Variants in PET117 observed in about 807,000 individuals in gnomAD.
The protein encoded by PET117 is PET117 cytochrome c oxidase chaperone, also known as protein PET117 homolog, mitochondrial.
Under a neutral mutation model 9.2 loss-of-function variants are expected in PET117, and 10 were observed. The ratio of observed to expected loss-of-function variants is 1.09; its 90% CI spans 0.67 to 1.85. PET117 has a LOEUF of 1.85. PET117 is among the 40% of genes most tolerant of loss of function. PET117 has a pLI of 0.00. For missense variants in PET117, 96 were observed against 98.2 expected, an observed-to-expected ratio of 0.98 and a Z score of 0.09; for synonymous variants, 43 against 37.1, an observed-to-expected ratio of 1.16 and a Z score of -0.57.
chr20:18,138,746 A>G (rs1201926807), intron 1 of PET117, among the ~76,000 whole-genome samples: 1 of 152,132 alleles, frequency 6.6e-6, no homozygotes, highest in African/African-American at 2.4e-5. Flanking sequence ...CCTGCTGATC[A>G]GCAGTGACTA....
rs1189135809 is a variant in PET117, at chr20:18,142,689, T to C, written c.*332T>C. The C allele has an allele frequency of 2.5e-6, 4 of 1,614,184 alleles. No homozygotes were observed. Among genetic ancestry groups the C allele is most frequent in the Non-Finnish European group, 3.4e-6 (4 of 1,180,050 alleles). ...GATAGTAGCATCCACCTGAGTAGTC[T>C]GATCAGTCGGCATGATGACGAAGCC... On this transcript the variant is annotated 3_prime_UTR_variant, in exon 2 of 2. Transcript: ENST00000432901.
At position 18,142,919 on chromosome 20, in the gene PET117, A is replaced by G. The variant is rs766534925; in HGVS notation, c.*562A>G. ...CAAGTGCCAAAAATGGATACCAGCC[A>G]GTAAGGAGCTTCTCAATTCCTTTGA... On this transcript the variant is annotated 3_prime_UTR_variant, in exon 2 of 2. Transcript: ENST00000432901. The G allele has an allele frequency of 1.2e-6, 2 of 1,612,764 alleles. No homozygotes were observed. The highest frequency in any genetic ancestry group is 8.5e-7 in the Non-Finnish European group (1 of 1,178,734).
chr20:18,142,517 C>T lies in PET117; in HGVS notation c.*160C>T, dbSNP rs2037625407. 1.4e-6 allele frequency: 2 copies of T among 1,467,138 alleles called. No homozygotes were observed. The highest frequency in any genetic ancestry group is 9.0e-7 in the Non-Finnish European group (1 of 1,111,288). The allele number at this position is 1,467,138 out of a possible 1,614,324, so 90.9% of individuals were successfully genotyped here. Reference sequence around the variant, plus strand: ...TCATATAAGTTACTGCTTTCAGGGTCCCTTATATCTGAATAAAGGAGTGTG... The same window carrying T: ...TCATATAAGTTACTGCTTTCAGGGTTCCTTATATCTGAATAAAGGAGTGTG... On this transcript the variant is annotated 3_prime_UTR_variant, in exon 2 of 2. Coordinates refer to ENST00000432901, the MANE Select transcript of PET117 (RefSeq NM_001164811.2).
In PET117 at chr20:18,141,045, TTATTTTTA is replaced by T. The variant is rs1383576597; in HGVS notation, c.97-1161_97-1154del. Among the ~76,000 whole-genome samples, 69 of 39,600 alleles carry T rather than the reference TTATTTTTA, an allele frequency of 1.7e-3. 1 individual carries two copies. Among genetic ancestry groups the T allele is most frequent in the African/African-American group, 4.8e-3 (64 of 13,412 alleles). The allele number at this position is 39,600 out of a possible 152,430, so 26.0% of individuals were successfully genotyped here. On this transcript the variant is annotated intron_variant, in intron 1 of 1. Coordinates refer to ENST00000432901, the MANE Select transcript of PET117 (RefSeq NM_001164811.2). ...GCAATTTTTTTTTTTTTTTTTTTTT[TTATTTTTA>T]TTTTTGCTAGAGATGGGATTTTGCC...
In PET117 at chr20:18,142,795, G is replaced by A; in HGVS notation, c.*438G>A. 3 of 1,614,188 alleles carry A rather than the reference G, an allele frequency of 1.9e-6. No homozygotes were observed. Among genetic ancestry groups the A allele is most frequent in the Non-Finnish European group, 2.5e-6 (3 of 1,180,042 alleles). ...TCCTGATCGTCGAATCCGAGGATCAGGCATCAGTGGACTTATCGCACGACC... is the reference window on the plus strand; with the variant it reads ...TCCTGATCGTCGAATCCGAGGATCAAGCATCAGTGGACTTATCGCACGACC... On this transcript the variant is annotated 3_prime_UTR_variant, in exon 2 of 2. Transcript: ENST00000432901.
At chr20:18,138,281 C>T (rs1381995639) in intron 1 of PET117, 2 of 1,217,230 alleles carry the variant, frequency 1.6e-6, no homozygotes, top group Non-Finnish European at 2.0e-6. Flanking sequence ...GACGACCCGG[C>T]TGCCCGGCTT....
At chr20:18,138,741 T>C (rs2037402242) in intron 1 of PET117, among the ~76,000 whole-genome samples, 1 of 152,248 alleles carries the variant, frequency 6.6e-6, no homozygotes, top group South Asian at 2.1e-4. Flanking sequence ...CGTGACCTGC[T>C]GATCAGCAGT....
intron 1 of PET117, 197 bp downstream of exon 1, chr20:18,138,248 GCGTGTGCAGCCCGCAGATTCAGGA>G: frequency 8.1e-7 from 1 of 1,240,780 alleles, no homozygotes; most frequent in Non-Finnish European, 1.0e-6. Flanking sequence ...CTCCCGGCGG[GCGTGTGCAGCCCGCAGATTCAGGA>G]CGACCCGGCT....
Position 18,137,887 on chromosome 20 carries a change from T to C in PET117, c.-69T>C. On this transcript the variant is annotated 5_prime_UTR_variant, in exon 1 of 2. Coordinates refer to ENST00000432901, the MANE Select transcript of PET117 (RefSeq NM_001164811.2). ...CGAGCCTGGGCAGTACAGGCGGCGGTGCGCACTCTGCGGCGGCCTCTGCGC... is the reference window on the plus strand; with the variant it reads ...CGAGCCTGGGCAGTACAGGCGGCGGCGCGCACTCTGCGGCGGCCTCTGCGC... 1 of 1,407,784 alleles carries C rather than the reference T, an allele frequency of 7.1e-7. No individual in the cohort carries two copies. The allele number at this position is 1,407,784 out of a possible 1,614,324, so 87.2% of individuals were successfully genotyped here. A position where few individuals can be genotyped will look rare whatever the true frequency, so the allele number is the denominator to read the frequency against.
chr20:18,138,378 C>T, intron 1 of PET117: 2 of 1,057,182 alleles, frequency 1.9e-6, no homozygotes, highest in East Asian at 6.6e-5. Flanking sequence ...GCTCTGTTTT[C>T]AAGTCACAGC....
At chr20:18,141,862 G>A (rs1291947454) in intron 1 of PET117, among the ~76,000 whole-genome samples, 1 of 152,148 alleles carries the variant, frequency 6.6e-6, no homozygotes, top group African/African-American at 2.4e-5. Context: ...CTCCAGCCTG[G>A]GCGACAGAGC....
At chr20:18,141,035 T>TTTTA (rs1487537960) in intron 1 of PET117, among the ~76,000 whole-genome samples, 6 of 19,758 alleles carry the variant, frequency 3.0e-4, no homozygotes, top group Admixed American at 6.8e-4. Flanking sequence ...TTTTTTTTTT[T>TTTTA]TTTTTTTTTT....
At position 18,142,321 on chromosome 20, in the gene PET117, G is replaced by A. The variant is rs1166822852; in HGVS notation, c.210G>A (p.Glu70=). Residue 70 remains glutamate, a synonymous_variant, in exon 2 of 2, where the codon GAG becomes GAA. Transcript: ENST00000432901. ...ILTEQLEAER[E]KMLLAKGSQK... is the part of the protein sequence containing the mutation. ...CTGAGCAACTTGAAGCAGAAAGAGA[G>A]AAGATGTTATTGGCAAAAGGATCTC... is the stretch of plus-strand genomic sequence containing the variant. 6.5e-7 allele frequency: 1 copy of A among 1,537,018 alleles called. No homozygotes were observed. Among genetic ancestry groups the A allele is most frequent in the African/African-American group, 1.4e-5 (1 of 73,162 alleles).
chr20:18,142,361 G>T lies in PET117; in HGVS notation c.*4G>T. On this transcript the variant is annotated 3_prime_UTR_variant, in exon 2 of 2. Transcript: ENST00000432901. Reference sequence around the variant, plus strand: ...AAAAGGATCTCAAAAATCATGACTTGAATGTGAAATATCTGTTGGACAGAC... The same window carrying T: ...AAAAGGATCTCAAAAATCATGACTTTAATGTGAAATATCTGTTGGACAGAC... 1 of 1,535,720 alleles carries T rather than the reference G, an allele frequency of 6.5e-7. No individual in the cohort carries two copies. The highest frequency in any genetic ancestry group is 1.2e-5 in the South Asian group (1 of 83,940).
intron 1 of PET117, chr20:18,138,603 G>A: frequency 2.8e-5 from 9 of 316,690 alleles, no homozygotes; most frequent in Non-Finnish European, 4.1e-5. Flanking sequence ...CTTTGACCAA[G>A]ATAATTTGGT....
intron 1 of PET117, among the ~76,000 whole-genome samples, chr20:18,139,274 C>T (rs966846806): frequency 6.6e-6 from 1 of 152,150 alleles, no homozygotes; most frequent in Non-Finnish European, 1.5e-5. Flanking sequence ...AGAAGACTTC[C>T]GCCTCTTACA....
chr20:18,139,676 T>TGTGTGTGTGTG (rs1568660990), intron 1 of PET117, among the ~76,000 whole-genome samples: 1 of 77,652 alleles, frequency 1.3e-5, no homozygotes, highest in African/African-American at 3.4e-5. Context: ...GTGTGTGTGT[T>TGTGTGTGTGTG]TATTTTTTTT....
In PET117 at chr20:18,142,231, A is replaced by G. The variant is rs1344578627; in HGVS notation, c.120A>G (p.Arg40=). Residue 40 remains arginine, a synonymous_variant, in exon 2 of 2, where the codon AGA becomes AGG. Coordinates refer to ENST00000432901, the MANE Select transcript of PET117 (RefSeq NM_001164811.2). ...AGAGGCTTCGTGACGGAGTTATCAG[A>G]GACATTGAGAGGCAAATTCGGAAAA... The part of the protein sequence containing the change: ...DQQRLRDGVI[R]DIERQIRKKE... 1 of 1,537,216 alleles carries G rather than the reference A, an allele frequency of 6.5e-7. No individual in the cohort carries two copies. Among genetic ancestry groups the G allele is most frequent in the Admixed American group, 2.0e-5 (1 of 50,986 alleles).
chr20:18,142,310 G>A lies in PET117; in HGVS notation c.199G>A (p.Ala67Thr). The change falls in exon 2 of 2, where the codon GCA becomes ACA. Residue 67 changes from alanine (A) to threonine (T), a missense_variant. Ala to Thr is a moderately conservative substitution (Grantham distance 58). Coordinates refer to ENST00000432901, the MANE Select transcript of PET117 (RefSeq NM_001164811.2). Reference protein sequence around the residue: ...EQIILTEQLEAEREKMLLAKG... With the variant: ...EQIILTEQLETEREKMLLAKG... ...GATTATTTTGACTGAGCAACTTGAAGCAGAAAGAGAGAAGATGTTATTGGC... is the reference window on the plus strand; with the variant it reads ...GATTATTTTGACTGAGCAACTTGAAACAGAAAGAGAGAAGATGTTATTGGC... 2.0e-6 allele frequency: 3 copies of A among 1,537,028 alleles called. No homozygotes were observed. Among genetic ancestry groups the A allele is most frequent in the Non-Finnish European group, 2.6e-6 (3 of 1,146,862 alleles).
Sources: gnomAD v4.1 joint callset for allele counts (sites outside exome capture counted in the v4.1 genomes callset) on GRCh38, gnomAD v4.1.1 for gene constraint, MANE v1.5 for transcripts, NCBI Gene and HGNC (gene_info 2026-07-23, HGNC 2026-07-21) for gene names.